Variants in LARP4B observed in about 807,000 individuals in gnomAD.
The protein encoded by LARP4B is la-related protein 4B.
LARP4B carries 12 observed loss-of-function variants against 89.8 expected under a neutral mutation model. That is an observed-to-expected ratio of 0.13 (90% CI 0.09 to 0.22). LARP4B has a LOEUF of 0.22. LARP4B is among the 10% of genes least tolerant of loss of function. The probability of loss-of-function intolerance (pLI) is 1.00; values close to 1 mark genes in which losing one functional copy is unlikely to be tolerated. For synonymous variants in LARP4B, 367 were observed against 363.3 expected, an observed-to-expected ratio of 1.01 and a Z score of -0.12; for missense variants, 757 against 947.7, an observed-to-expected ratio of 0.80 and a Z score of 2.64.
intron 3 of LARP4B, among the ~76,000 whole-genome samples, chr10:874,127 G>A (rs1045259582): frequency 2.6e-5 from 4 of 152,178 alleles, no homozygotes; most frequent in Admixed American, 6.5e-5. Flanking sequence ...CCAGCTACTC[G>A]GAAGGCTGAG....
the LARP4B span, among the ~76,000 whole-genome samples, chr10:967,590 G>A: frequency 1.3e-5 from 2 of 152,158 alleles, no homozygotes; most frequent in Non-Finnish European, 2.9e-5. Flanking sequence ...AGCATGCCAC[G>A]AAATCGCAGA....
At chr10:823,614 C>T (rs1439262635) in intron 13 of LARP4B, among the ~76,000 whole-genome samples, 1 of 151,272 alleles carries the variant, frequency 6.6e-6, no homozygotes, top group Admixed American at 6.6e-5. Context: ...TCCATCTAGT[C>T]TGCCTCCTTC....
At chr10:929,545 T>C (rs907582956) in intron 1 of LARP4B, among the ~76,000 whole-genome samples, 1 of 152,030 alleles carries the variant, frequency 6.6e-6, no homozygotes. Context: ...TTGTAGTGAG[T>C]TGAGATCGTG....
chr10:988,236 C>G, the LARP4B span: 8 of 483,654 alleles, frequency 1.7e-5, no homozygotes, highest in African/African-American at 1.2e-4. Context: ...CGCGCTCCCC[C>G]TAAAACCCGG....
chr10:895,677 A>AC (rs1435544962), intron 1 of LARP4B, among the ~76,000 whole-genome samples: 2 of 151,872 alleles, frequency 1.3e-5, no homozygotes, highest in Non-Finnish European at 2.9e-5. Flanking sequence ...CATCTCAAAA[A>AC]AAAAAAAAAA....
At chr10:841,791 A>G (rs560772666) in intron 7 of LARP4B, among the ~76,000 whole-genome samples, 2 of 152,346 alleles carry the variant, frequency 1.3e-5, no homozygotes, top group Admixed American at 1.3e-4. Context: ...CAGAACTCAC[A>G]GTCAATGGTA....
intron 5 of LARP4B, among the ~76,000 whole-genome samples, chr10:845,990 G>A (rs1318677152): frequency 6.6e-6 from 1 of 152,186 alleles, no homozygotes; most frequent in African/African-American, 2.4e-5. Context: ...GTTATACAAT[G>A]AGCTTAGTAA....
At chr10:910,535 A>G (rs1181433959) in intron 1 of LARP4B, among the ~76,000 whole-genome samples, 1 of 152,174 alleles carries the variant, frequency 6.6e-6, no homozygotes, top group African/African-American at 2.4e-5. Context: ...TTGGCTGAAC[A>G]TCTAGATTTT....
At chr10:945,150 A>T in the LARP4B span, among the ~76,000 whole-genome samples, 1 of 151,998 alleles carries the variant, frequency 6.6e-6, no homozygotes, top group African/African-American at 2.4e-5. Context: ...TTGGGAGGTC[A>T]AGGCAGGTGG....
intron 1 of LARP4B, among the ~76,000 whole-genome samples, chr10:924,204 G>A (rs117018364): frequency 0.014 from 2,101 of 152,158 alleles, 22 homozygotes; most frequent in Non-Finnish European, 0.018. Context: ...GCATGCCACT[G>A]GACTCCAGCC....
the LARP4B span, among the ~76,000 whole-genome samples, chr10:983,112 C>T: frequency 9.9e-4 from 151 of 152,290 alleles, no homozygotes; most frequent in Middle Eastern, 6.8e-3. Context: ...TGACATTATT[C>T]GTTGTAGCAT....
intron 1 of LARP4B, among the ~76,000 whole-genome samples, chr10:928,462 G>A (rs994544454): frequency 6.6e-6 from 1 of 152,154 alleles, no homozygotes; most frequent in Non-Finnish European, 1.5e-5. Flanking sequence ...GCCACTCCTT[G>A]GCTGGTAACA....
At chr10:943,493 G>A in the LARP4B span, among the ~76,000 whole-genome samples, 2 of 152,014 alleles carry the variant, frequency 1.3e-5, no homozygotes, top group African/African-American at 4.8e-5. Flanking sequence ...GCAGTGGTGC[G>A]ATCATGGCTC....
rs150827598 is a variant in LARP4B at position 836,493 on chromosome 10, G to C, written c.660C>G (p.Val220=). ...CTTTTTCTCCCTTTTCATCCACTTG[G>C]ACTAAAGGTAAAGCTACAAAGAGAA... ...IVEVLRSLPL[V]QVDEKGEKVR... is the part of the protein sequence containing the mutation. The change falls in exon 8 of 18, where the codon GTC becomes GTG. Residue 220 remains valine, a synonymous_variant. Coordinates refer to ENST00000316157, the MANE Select transcript of LARP4B (RefSeq NM_015155.3). 37 of 1,608,256 alleles carry C rather than the reference G, an allele frequency of 2.3e-5. No homozygotes were observed. Among genetic ancestry groups the C allele is most frequent in the Admixed American group, 6.7e-5 (4 of 59,864 alleles).
chr10:973,181 T>C, the LARP4B span, among the ~76,000 whole-genome samples: 2 of 152,066 alleles, frequency 1.3e-5, no homozygotes, highest in African/African-American at 4.8e-5. Context: ...CTGATGGAAA[T>C]GGGCCCAGAC....
chr10:901,205 G>A (rs912398668), intron 1 of LARP4B, among the ~76,000 whole-genome samples: 7 of 152,054 alleles, frequency 4.6e-5, no homozygotes, highest in Non-Finnish European at 1.0e-4. Context: ...GTGAGCCACC[G>A]CACCCAGCAG....
Position 817,835 on chromosome 10 carries a change from G to A in LARP4B, c.1585C>T (p.Leu529=). 1 of 1,614,186 alleles carries A rather than the reference G, an allele frequency of 6.2e-7. No individual in the cohort carries two copies. Among genetic ancestry groups the A allele is most frequent in the East Asian group, 2.2e-5 (1 of 44,882 alleles). ...PPKPPSPSFE[L]GLSSFPPLPG... The stretch of plus-strand genomic sequence containing the variant: ...AATGGAGGGAAGCTGGACAGCCCCA[G>A]CTCGAAGCTTGGCGACGGAGGCTTT... Residue 529 remains leucine (L), a synonymous_variant, in exon 15 of 18, where the codon CTG becomes TTG. Coordinates refer to ENST00000316157, the MANE Select transcript of LARP4B (RefSeq NM_015155.3).
rs775539534 is a variant in LARP4B, at chr10:825,760, T to G, written c.1232+4A>C. 1 of 1,610,364 alleles carries G rather than the reference T, an allele frequency of 6.2e-7. No individual in the cohort carries two copies. Among genetic ancestry groups the G allele is most frequent in the Non-Finnish European group, 8.5e-7 (1 of 1,177,188 alleles). On this transcript the variant is annotated splice_donor_region_variant and intron_variant, in intron 12 of 17. Transcript: ENST00000316157. The stretch of plus-strand genomic sequence containing the variant: ...AAAACTGCTAAGACCGCCCCGGAAC[T>G]TGCCTGCTTCGAGGAGGATACTGTC...
At chr10:920,069 AAC>A (rs1424955111) in intron 1 of LARP4B, among the ~76,000 whole-genome samples, 1 of 152,234 alleles carries the variant, frequency 6.6e-6, no homozygotes, top group East Asian at 1.9e-4. Context: ...AAAAAGTTAA[AAC>A]ACTTATTTAA....
Sources: allele counts gnomAD v4.1 joint callset (sites outside exome capture counted in the v4.1 genomes callset), GRCh38; gene constraint gnomAD v4.1.1; transcripts MANE v1.5; gene names NCBI Gene and HGNC (gene_info 2026-07-23, HGNC 2026-07-21).